Variants in KHDRBS2 observed in about 807,000 individuals in gnomAD.
The protein encoded by KHDRBS2 is KH domain-containing, RNA-binding, signal transduction-associated protein 2.
KHDRBS2 carries 26 observed loss-of-function variants against 44.3 expected under a neutral mutation model. The ratio of observed to expected loss-of-function variants is 0.59; its 90% confidence interval spans 0.43 to 0.81. The LOEUF is 0.81. Among genes scored for constraint, KHDRBS2 ranks in the 40% least tolerant of loss-of-function variants. The pLI is 0.00. For missense variants in KHDRBS2, 476 were observed against 433.1 expected, an observed-to-expected ratio of 1.10 and a Z score of -0.88; for synonymous variants, 194 against 151.1, an observed-to-expected ratio of 1.28 and a Z score of -2.08.
At chr6:61,849,118 G>C (rs1374830724) in intron 6 of KHDRBS2, among the ~76,000 whole-genome samples, 9 of 152,010 alleles carry the variant, frequency 5.9e-5, no homozygotes, top group Admixed American at 4.6e-4. Flanking sequence ...AATATTTCCT[G>C]CCTAGTGGAA....
At chr6:61,567,380 C>T in the KHDRBS2 span, among the ~76,000 whole-genome samples, 104 of 152,282 alleles carry the variant, frequency 6.8e-4, no homozygotes, top group African/African-American at 2.5e-3. Context: ...ATGTAAAATA[C>T]ATCTTAGACT....
chr6:62,233,012 A>G (rs954683514), intron 1 of KHDRBS2, among the ~76,000 whole-genome samples: 2 of 152,124 alleles, frequency 1.3e-5, no homozygotes, highest in Non-Finnish European at 2.9e-5. Flanking sequence ...AACCACAGCC[A>G]TAAGTCCTTT....
At position 61,901,287 on chromosome 6, in the gene KHDRBS2, T is replaced by C. The variant is rs754696932; in HGVS notation, c.568A>G (p.Ile190Val). The C allele has an allele frequency of 6.2e-7, 1 of 1,613,578 alleles. No individual in the cohort carries two copies. The highest frequency in any genetic ancestry group is 1.3e-5 in the African/African-American group (1 of 74,914). The change falls in exon 5 of 9, where the codon ATT becomes GTT. Residue 190 changes from isoleucine to valine, a missense_variant. Ile to Val is a conservative substitution (Grantham distance 29). Coordinates refer to ENST00000281156, the MANE Select transcript of KHDRBS2 (RefSeq NM_152688.4). Reference sequence around the variant, plus strand: ...GCTATTCTGATCCCTCTGCCTCTAATACCTCTGCCACGACCAGAGTCCTCT... The same window carrying C: ...GCTATTCTGATCCCTCTGCCTCTAACACCTCTGCCACGACCAGAGTCCTCT... ...GSEDSGRGRG[I>V]RGRGIRIAPT...
chr6:62,095,554 A>C (rs1297225752), intron 2 of KHDRBS2, among the ~76,000 whole-genome samples: 1 of 151,850 alleles, frequency 6.6e-6, no homozygotes, highest in African/African-American at 2.4e-5. Context: ...AGTTTATGTA[A>C]GTATTCTTCA....
intron 3 of KHDRBS2, among the ~76,000 whole-genome samples, chr6:62,023,944 T>C (rs1028971020): frequency 6.6e-6 from 1 of 151,214 alleles, no homozygotes; most frequent in South Asian, 2.1e-4. Context: ...TAAACATCTA[T>C]GTAGTTATTT....
chr6:62,150,020 C>A (rs750653249), intron 2 of KHDRBS2, among the ~76,000 whole-genome samples: 19 of 152,172 alleles, frequency 1.2e-4, no homozygotes, highest in Non-Finnish European at 2.6e-4. Flanking sequence ...ACACACAGCT[C>A]TGTGGCTGGT....
chr6:62,220,702 G>T (rs1356571815), intron 1 of KHDRBS2, among the ~76,000 whole-genome samples: 8 of 151,508 alleles, frequency 5.3e-5, no homozygotes, highest in African/African-American at 9.7e-5. Context: ...AGAACATAGA[G>T]ATTTATAACA....
chr6:61,722,588 C>T (rs993736396), intron 7 of KHDRBS2, among the ~76,000 whole-genome samples: 7 of 152,128 alleles, frequency 4.6e-5, no homozygotes, highest in Admixed American at 4.6e-4. Context: ...TACTAAGTCA[C>T]ACATATTCTA....
the KHDRBS2 span, among the ~76,000 whole-genome samples, chr6:61,590,802 C>T: frequency 6.6e-6 from 1 of 152,084 alleles, no homozygotes; most frequent in African/African-American, 2.4e-5. Flanking sequence ...ATATTTGGTG[C>T]CAAAGTCCAG....
At chr6:62,045,144 C>G (rs1443411337) in intron 3 of KHDRBS2, among the ~76,000 whole-genome samples, 1 of 151,964 alleles carries the variant, frequency 6.6e-6, no homozygotes, top group Non-Finnish European at 1.5e-5. Context: ...GATCCAGTCA[C>G]AGAGACTGAG....
intron 3 of KHDRBS2, among the ~76,000 whole-genome samples, chr6:61,987,520 A>G (rs1054682010): frequency 6.6e-6 from 1 of 152,212 alleles, no homozygotes; most frequent in Non-Finnish European, 1.5e-5. Flanking sequence ...GCCCCAGGGA[A>G]CTTTCTTTTA....
intron 4 of KHDRBS2, among the ~76,000 whole-genome samples, chr6:61,945,100 A>T (rs150808678): frequency 0.079 from 4,139 of 52,216 alleles, 295 homozygotes; most frequent in Non-Finnish European, 0.11. Context: ...TAAAAAAAAA[A>T]AAAAAAAAAA....
the KHDRBS2 span, among the ~76,000 whole-genome samples, chr6:61,607,519 G>GAAAAAAAAAAAAAAAAAAA: frequency 3.4e-4 from 8 of 23,294 alleles, 1 homozygote; most frequent in South Asian, 2.3e-3. Flanking sequence ...TGAGTTCCAA[G>GAAAAAAAAAAAAAAAAAAA]CAAAAAAAAA....
chr6:61,982,837 CT>C (rs1774144809), intron 3 of KHDRBS2, among the ~76,000 whole-genome samples: 1 of 152,048 alleles, frequency 6.6e-6, no homozygotes, highest in Admixed American at 6.6e-5. Flanking sequence ...TTGTTATGGC[CT>C]TTGTTTGAAA....
rs1157533905 is a variant in KHDRBS2 at position 62,177,247 on chromosome 6, T to C, written c.157A>G (p.Ile53Val). Reference sequence around the variant, plus strand: ...GAGAGCTTTATGTTTTTGTTGCTGATGACATCAAGATACTTCTTTTCTTCG... The same window carrying C: ...GAGAGCTTTATGTTTTTGTTGCTGACGACATCAAGATACTTCTTTTCTTCG... ...EDEEKKYLDV[I>V]SNKNIKLSER... The change falls in exon 2 of 9, where the codon ATC becomes GTC. Residue 53 changes from isoleucine (I) to valine (V), a missense_variant. Coordinates refer to ENST00000281156, the MANE Select transcript of KHDRBS2 (RefSeq NM_152688.4). The C allele has an allele frequency of 1.3e-6, 2 of 1,598,446 alleles. No individual in the cohort carries two copies. The highest frequency in any genetic ancestry group is 2.2e-5 in the South Asian group (2 of 90,482).
chr6:62,285,267 A>G (rs190658974), intron 1 of KHDRBS2, among the ~76,000 whole-genome samples: 2 of 152,318 alleles, frequency 1.3e-5, no homozygotes, highest in Admixed American at 1.3e-4. Flanking sequence ...CCAGGGACCA[A>G]TATCTCACAG....
intron 7 of KHDRBS2, among the ~76,000 whole-genome samples, chr6:61,705,661 T>G (rs538377397): frequency 1.3e-5 from 2 of 151,880 alleles, no homozygotes; most frequent in South Asian, 4.1e-4. Flanking sequence ...TTGAGCTGAT[T>G]GAGATTAGGA....
chr6:62,165,863 C>T lies in KHDRBS2; in HGVS notation c.219+11322G>A, dbSNP rs185757548. Reference sequence around the variant, plus strand: ...TTAACTAATTTTAAGTGCACGAATACGTGGCATTAAGTACATTCACAATGT... The same window carrying T: ...TTAACTAATTTTAAGTGCACGAATATGTGGCATTAAGTACATTCACAATGT... On this transcript the variant is annotated intron_variant, in intron 2 of 8. Coordinates refer to ENST00000281156, the MANE Select transcript of KHDRBS2 (RefSeq NM_152688.4). Among the ~76,000 whole-genome samples, 272 of 152,016 alleles carry T rather than the reference C, an allele frequency of 1.8e-3. 7 individuals carry two copies. The South Asian group carries it at 0.051, about 29-fold the overall frequency.
chr6:62,045,275 G>A (rs1787430794), intron 3 of KHDRBS2, among the ~76,000 whole-genome samples: 6 of 151,918 alleles, frequency 3.9e-5, no homozygotes, highest in Non-Finnish European at 2.9e-5. Flanking sequence ...ATAAATATAT[G>A]GCTATAGTTG....
Sources: gnomAD v4.1 joint callset for allele counts (sites outside exome capture counted in the v4.1 genomes callset) on GRCh38, gnomAD v4.1.1 for gene constraint, MANE v1.5 for transcripts, NCBI Gene and HGNC (gene_info 2026-07-23, HGNC 2026-07-21) for gene names.